RALYL: variants seen among roughly 807,000 people sequenced by gnomAD.
RALYL encodes RNA-binding Raly-like protein.
A neutral mutation model predicts 35.1 loss-of-function variants in RALYL; 29 were observed. That is an observed-to-expected ratio of 0.83 (90% CI 0.61 to 1.13). The LOEUF (loss-of-function observed/expected upper bound fraction) is 1.13. RALYL is among the 50% of genes most tolerant of loss of function. The pLI, the probability that RALYL is intolerant of heterozygous loss-of-function variation, is 0.00. For synonymous variants in RALYL, 120 were observed against 127.6 expected (o/e 0.94, Z 0.40); for missense variants, 359 against 360.4 (o/e 1.00, Z 0.03).
chr8:84,512,613 A>G (rs711042), intron 1 of RALYL, among the ~76,000 whole-genome samples: 61,339 of 151,936 alleles, frequency 0.4, 12,645 homozygotes, highest in East Asian at 0.52. Flanking sequence ...GCCTTGACCA[A>G]TGTCCAGGAG....
chr8:84,841,341 T>G (rs1239406915), intron 4 of RALYL, among the ~76,000 whole-genome samples: 1 of 152,030 alleles, frequency 6.6e-6, no homozygotes, highest in Non-Finnish European at 1.5e-5. Flanking sequence ...AAACAGACTT[T>G]AAACCAACAA....
At chr8:84,202,762 G>T (rs953387490) in intron 1 of RALYL, among the ~76,000 whole-genome samples, 1 of 152,164 alleles carries the variant, frequency 6.6e-6, no homozygotes, top group African/African-American at 2.4e-5. Flanking sequence ...ATTGCATTTT[G>T]TACAGTATTT....
chr8:84,748,606 C>T (rs990543461), intron 2 of RALYL, among the ~76,000 whole-genome samples: 6 of 152,064 alleles, frequency 3.9e-5, no homozygotes. Context: ...AGTAAAACAT[C>T]TCTTTCTTAT....
chr8:84,491,514 C>T (rs1295715527), intron 1 of RALYL, among the ~76,000 whole-genome samples: 1 of 152,004 alleles, frequency 6.6e-6, no homozygotes, highest in Non-Finnish European at 1.5e-5. Context: ...CCTTTTAATT[C>T]CTTTTTCATG....
chr8:84,887,539 A>T (rs1843097645), intron 7 of RALYL, 65 bp from the exon 8 acceptor site: 13 of 1,438,718 alleles, frequency 9.0e-6, no homozygotes, highest in Admixed American at 4.6e-5. Context: ...CTGTTTTTTC[A>T]TGGTTTATCC....
intron 1 of RALYL, among the ~76,000 whole-genome samples, chr8:84,343,410 T>C (rs1406796180): frequency 2.6e-5 from 4 of 151,970 alleles, no homozygotes; most frequent in Admixed American, 1.3e-4. Flanking sequence ...TCTACATAGC[T>C]CAGCAAAGAA....
chr8:84,526,967 GT>G (rs1323119564), intron 1 of RALYL, among the ~76,000 whole-genome samples: 2 of 152,122 alleles, frequency 1.3e-5, no homozygotes, highest in East Asian at 3.9e-4. Context: ...TTTAGTCACT[GT>G]TACTCCATCG....
intron 1 of RALYL, among the ~76,000 whole-genome samples, chr8:84,311,088 A>AAAAAAAAAAAAT (rs1842718560): frequency 7.9e-6 from 1 of 126,198 alleles, no homozygotes; most frequent in African/African-American, 2.8e-5. Flanking sequence ...AAAAAAAAAA[A>AAAAAAAAAAAAT]AAATGTATAT....
At chr8:84,870,482 G>GTT (rs916313466) in intron 6 of RALYL, among the ~76,000 whole-genome samples, 5 of 151,084 alleles carry the variant, frequency 3.3e-5, no homozygotes, top group African/African-American at 1.2e-4. Context: ...TTTTTGACAA[G>GTT]TTTTTTTTGT....
intron 5 of RALYL, among the ~76,000 whole-genome samples, chr8:84,850,475 C>T (rs995323102): frequency 3.3e-5 from 5 of 152,214 alleles, no homozygotes; most frequent in Middle Eastern, 3.4e-3. Flanking sequence ...AGTAGGAGGC[C>T]ACAAAGGTGA....
chr8:84,656,308 A>G (rs981739472), intron 2 of RALYL, among the ~76,000 whole-genome samples: 4 of 152,114 alleles, frequency 2.6e-5, no homozygotes, highest in African/African-American at 9.7e-5. Context: ...ATTGACAAGT[A>G]TTGATCAGCA....
At chr8:84,264,472 A>G (rs1832905287) in intron 1 of RALYL, among the ~76,000 whole-genome samples, 1 of 139,276 alleles carries the variant, frequency 7.2e-6, no homozygotes, top group South Asian at 2.2e-4. Context: ...TTTTTTGTAA[A>G]TTTGTTTGAG....
chr8:84,486,895 A>G (rs1466313504), intron 1 of RALYL, among the ~76,000 whole-genome samples: 1 of 152,104 alleles, frequency 6.6e-6, no homozygotes, highest in East Asian at 1.9e-4. Context: ...AATTATAGGA[A>G]TAATGTTGTA....
chr8:84,184,964 C>G, intron 1 of RALYL: 1 of 1,613,464 alleles, frequency 6.2e-7, no homozygotes, highest in Non-Finnish European at 8.5e-7. Flanking sequence ...TGGCACCGGC[C>G]CTCGCACGCT....
intron 2 of RALYL, among the ~76,000 whole-genome samples, chr8:84,667,167 GTTTAT>G (rs1832246401): frequency 6.6e-6 from 1 of 151,832 alleles, no homozygotes; most frequent in Non-Finnish European, 1.5e-5. Flanking sequence ...TTGACCTTCT[GTTTAT>G]TTTTACTTTT....
chr8:84,469,215 C>G (rs1016547936), intron 1 of RALYL, among the ~76,000 whole-genome samples: 1 of 152,182 alleles, frequency 6.6e-6, no homozygotes, highest in African/African-American at 2.4e-5. Context: ...GGAGGAGAGG[C>G]TCTCTGCTTT....
intron 2 of RALYL, among the ~76,000 whole-genome samples, chr8:84,693,583 T>C (rs1015703008): frequency 6.6e-6 from 1 of 151,768 alleles, no homozygotes; most frequent in African/African-American, 2.4e-5. Flanking sequence ...AATGAAAACT[T>C]GAAGAGGAGA....
intron 6 of RALYL, among the ~76,000 whole-genome samples, chr8:84,865,979 T>C (rs544315734): frequency 1.2e-4 from 18 of 152,294 alleles, no homozygotes; most frequent in African/African-American, 3.1e-4. Context: ...AAAAGTATGA[T>C]TGAAATACAG....
chr8:84,687,709 A>G (rs1837112208), intron 2 of RALYL, among the ~76,000 whole-genome samples: 1 of 152,124 alleles, frequency 6.6e-6, no homozygotes, highest in Non-Finnish European at 1.5e-5. Flanking sequence ...GAAGTACTCT[A>G]CAGAAGTTTT....
Sources: gnomAD v4.1 joint callset for allele counts (sites outside exome capture counted in the v4.1 genomes callset) on GRCh38, gnomAD v4.1.1 for gene constraint, MANE v1.5 for transcripts, NCBI Gene and HGNC (gene_info 2026-07-23, HGNC 2026-07-21) for gene names.